The following RPAP2 variants were observed in gnomAD, a reference collection of about 807,000 sequenced individuals.
The protein encoded by RPAP2 is putative RNA polymerase II subunit B1 CTD phosphatase RPAP2.
In RPAP2, 52 loss-of-function variants were observed where a neutral mutation model predicts 73.1. The ratio of observed to expected loss-of-function variants is 0.71; its 90% CI spans 0.57 to 0.90. RPAP2 has a LOEUF of 0.90. Among genes scored for constraint, RPAP2 ranks in the 40% least tolerant of loss-of-function variants. RPAP2 has a pLI of 0.00. For missense variants in RPAP2, 598 were observed against 701.8 expected (o/e 0.85, Z 1.67); for synonymous variants, 225 against 242.1 (o/e 0.93, Z 0.65).
rs895234810 is a variant in RPAP2 at position 92,394,941 on chromosome 1, G to C, written c.*7930G>C. 12 of 152,276 alleles carry C rather than the reference G, an allele frequency of 7.9e-5. No individual in the cohort carries two copies. The highest frequency in any genetic ancestry group is 2.9e-4 in the African/African-American group (12 of 41,548). 9.4% of individuals were successfully genotyped at this position (152,276 alleles called of 1,614,324 possible). A position where few individuals can be genotyped will look rare whatever the true frequency, so the allele number is the denominator to read the frequency against. The stretch of plus-strand genomic sequence containing the variant: ...CTACAAAGCTACATTAATCAAGACA[G>C]TGTGGTACTGATATAAAGATAGGCA... On this transcript the variant is annotated 3_prime_UTR_variant, in exon 13 of 13. Coordinates refer to ENST00000610020, the MANE Select transcript of RPAP2 (RefSeq NM_024813.3).
chr1:92,335,285 T>A lies in RPAP2; in HGVS notation c.1539-1062T>A, dbSNP rs901560606. ...AAAAATGAAGCAAAGGTAGCAAAAA[T>A]TAAGAAATTGAATCTGGAAATAGAT... On this transcript the variant is annotated intron_variant, in intron 9 of 12. Coordinates refer to ENST00000610020, the MANE Select transcript of RPAP2 (RefSeq NM_024813.3). Among the ~76,000 whole-genome samples, 3 of 152,128 alleles carry A rather than the reference T, an allele frequency of 2.0e-5. No individual in the cohort carries two copies. In the South Asian group the frequency reaches 6.2e-4, roughly 31 times the overall value.
At chr1:92,327,048 T>C (rs1195570853) in intron 8 of RPAP2, among the ~76,000 whole-genome samples, 1 of 152,276 alleles carries the variant, frequency 6.6e-6, no homozygotes, top group East Asian at 1.9e-4. Flanking sequence ...TTCCATGTGC[T>C]GATGAATAGA....
intron 11 of RPAP2, among the ~76,000 whole-genome samples, chr1:92,373,026 T>TACA (rs1472596440): frequency 6.6e-6 from 1 of 152,232 alleles, no homozygotes; most frequent in Non-Finnish European, 1.5e-5. Flanking sequence ...ATTGATGATC[T>TACA]ACAGTGTAAC....
chr1:92,361,963 T>C (rs569678465), intron 11 of RPAP2, among the ~76,000 whole-genome samples: 1 of 152,322 alleles, frequency 6.6e-6, no homozygotes, highest in African/African-American at 2.4e-5. Context: ...GATACAATTC[T>C]GGAGAATTCT....
chr1:92,358,783 T>G (rs1392407351), intron 11 of RPAP2, among the ~76,000 whole-genome samples: 1 of 152,190 alleles, frequency 6.6e-6, no homozygotes, highest in African/African-American at 2.4e-5. Flanking sequence ...GATAGGGGTC[T>G]CACTTTGTTG....
intron 9 of RPAP2, among the ~76,000 whole-genome samples, chr1:92,334,049 G>T (rs185524194): frequency 1.3e-5 from 2 of 151,358 alleles, no homozygotes; most frequent in South Asian, 2.1e-4. Flanking sequence ...GAACTTGAAG[G>T]TTTTTTTTTC....
chr1:92,368,345 C>T (rs1207524077), intron 11 of RPAP2, among the ~76,000 whole-genome samples: 2 of 152,148 alleles, frequency 1.3e-5, no homozygotes, highest in African/African-American at 4.8e-5. Flanking sequence ...TGCCACTGCA[C>T]TCTAGCCTGG....
chr1:92,400,315 C>T lies in RPAP2; in HGVS notation c.*13304C>T, dbSNP rs942643990. On this transcript the variant is annotated 3_prime_UTR_variant, in exon 13 of 13. Transcript: ENST00000610020. Reference sequence around the variant, plus strand: ...GGATCCTGGTTGGAGTCAGAGTATACCTTGGTTTGGTTTTGTGGGGTTTTT... The same window carrying T: ...GGATCCTGGTTGGAGTCAGAGTATATCTTGGTTTGGTTTTGTGGGGTTTTT... 6.6e-6 allele frequency: 1 copy of T among 152,554 alleles called. No individual in the cohort carries two copies. The highest frequency in any genetic ancestry group is 2.4e-5 in the African/African-American group (1 of 41,400). The allele number at this position is 152,554 out of a possible 1,614,324, so 9.5% of individuals were successfully genotyped here.
At chr1:92,342,362 A>G (rs1218927917) in intron 10 of RPAP2, among the ~76,000 whole-genome samples, 6 of 152,324 alleles carry the variant, frequency 3.9e-5, no homozygotes, top group African/African-American at 1.4e-4. Context: ...GTTGCTGGTG[A>G]GGCTAGAGAA....
At chr1:92,301,435 T>G (rs757352725) in intron 2 of RPAP2, 41 bp from the exon 3 acceptor site, 1 of 1,035,730 alleles carries the variant, frequency 9.7e-7, no homozygotes, top group Non-Finnish European at 1.5e-6. Context: ...ATGTTGGACA[T>G]GAAGCTTTTA....
chr1:92,371,427 A>C (rs1034572886), intron 11 of RPAP2, among the ~76,000 whole-genome samples: 5 of 151,860 alleles, frequency 3.3e-5, no homozygotes, highest in African/African-American at 1.2e-4. Flanking sequence ...TAGATAGATA[A>C]GATAGATCCA....
intron 10 of RPAP2, among the ~76,000 whole-genome samples, chr1:92,341,616 T>C (rs1288411006): frequency 6.6e-6 from 1 of 152,196 alleles, no homozygotes; most frequent in African/African-American, 2.4e-5. Context: ...CTTAAATCTG[T>C]CTCAACTCTA....
In RPAP2 at chr1:92,317,011, G is replaced by A. The variant is rs1571043793; in HGVS notation, c.489-3588G>A. Among the ~76,000 whole-genome samples, 4 of 152,262 alleles carry A rather than the reference G, an allele frequency of 2.6e-5. No homozygotes were observed. In the South Asian group the frequency reaches 8.3e-4, roughly 32 times the overall value. On this transcript the variant is annotated intron_variant, in intron 6 of 12. Transcript: ENST00000610020. ...TACACAAAGGAGAAGAAAATAGTTTGTAAAGTATATTGAGTTCCTGTGAAA... is the reference window on the plus strand; with the variant it reads ...TACACAAAGGAGAAGAAAATAGTTTATAAAGTATATTGAGTTCCTGTGAAA...
At chr1:92,371,126 G>A (rs1295829072) in intron 11 of RPAP2, among the ~76,000 whole-genome samples, 1 of 151,896 alleles carries the variant, frequency 6.6e-6, no homozygotes, top group African/African-American at 2.4e-5. Context: ...CCAACATGGT[G>A]AAACCCCGTC....
intron 6 of RPAP2, among the ~76,000 whole-genome samples, chr1:92,318,388 A>G (rs1461712831): frequency 6.6e-6 from 1 of 152,244 alleles, no homozygotes; most frequent in Non-Finnish European, 1.5e-5. Context: ...ACACTTAGTT[A>G]CATATAGATT....
At position 92,392,169 on chromosome 1, in the gene RPAP2, A is replaced by C. The variant is rs555734941; in HGVS notation, c.*5158A>C. 6.6e-6 allele frequency: 1 copy of C among 152,342 alleles called. No homozygotes were observed. Among genetic ancestry groups the C allele is most frequent in the Non-Finnish European group, 1.5e-5 (1 of 68,036 alleles). 9.4% of individuals were successfully genotyped at this position (152,342 alleles called of 1,614,324 possible). A position where few individuals can be genotyped will look rare whatever the true frequency, so the allele number is the denominator to read the frequency against. ...GGCAAACCGAATCCAGCAGCATATC[A>C]AAAAGCTTATCCACCACGATCAAGT... On this transcript the variant is annotated 3_prime_UTR_variant, in exon 13 of 13. Transcript: ENST00000610020.
chr1:92,360,088 C>G (rs989887095), intron 11 of RPAP2, among the ~76,000 whole-genome samples: 3 of 152,224 alleles, frequency 2.0e-5, no homozygotes, highest in Non-Finnish European at 4.4e-5. Flanking sequence ...GATTCAGACT[C>G]AGACCCTATC....
At chr1:92,316,525 ACT>A (rs1651913963) in intron 6 of RPAP2, among the ~76,000 whole-genome samples, 1 of 152,202 alleles carries the variant, frequency 6.6e-6, no homozygotes, top group African/African-American at 2.4e-5. Context: ...TTTTAGATTT[ACT>A]TTGCTAAAAT....
At chr1:92,327,421 T>C (rs759924944) in intron 8 of RPAP2, among the ~76,000 whole-genome samples, 1 of 152,266 alleles carries the variant, frequency 6.6e-6, no homozygotes, top group South Asian at 2.1e-4. Context: ...TGTCCCTCTT[T>C]GTCTTTTTAA....
Sources: gnomAD v4.1 joint callset for allele counts (sites outside exome capture counted in the v4.1 genomes callset) on GRCh38, gnomAD v4.1.1 for gene constraint, MANE v1.5 for transcripts, NCBI Gene and HGNC (gene_info 2026-07-23, HGNC 2026-07-21) for gene names.